Variants in TRPM1 observed in about 807,000 individuals in gnomAD.
The protein encoded by TRPM1 is transient receptor potential cation channel subfamily M member 1, also known as TRPM1-203 APA Isoform, Intron 10.
TRPM1 carries 113 observed loss-of-function variants against 149.4 expected under a neutral mutation model. The observed-to-expected ratio is 0.76, with a 90% CI of 0.65 to 0.88. The LOEUF (loss-of-function observed/expected upper bound fraction) is 0.88. TRPM1 is among the 40% of genes least tolerant of loss of function. TRPM1 has a pLI of 0.00. For synonymous variants in TRPM1, 741 were observed against 759.5 expected (o/e 0.98, Z 0.40); for missense variants, 1,976 against 2,038.7 (o/e 0.97, Z 0.59).
chr15:31,032,401 G>A (rs771055800), intron 22 of TRPM1, among the ~76,000 whole-genome samples: 53 of 151,906 alleles, frequency 3.5e-4, no homozygotes, highest in Admixed American at 2.0e-3. Flanking sequence ...ACATGTGTAC[G>A]TGTGTATGTA....
In TRPM1 at chr15:31,001,635, A is replaced by G; in HGVS notation, c.*187T>C. Reference sequence around the variant, plus strand: ...TTTCATTTGATACTACTGCAACTGAAAAAACTAAGCCTACTAACATATGCT... The same window carrying G: ...TTTCATTTGATACTACTGCAACTGAGAAAACTAAGCCTACTAACATATGCT... On this transcript the variant is annotated 3_prime_UTR_variant, in exon 28 of 28. Coordinates refer to ENST00000256552, the MANE Select transcript of TRPM1 (RefSeq NM_001252024.2). 1.5e-6 allele frequency: 1 copy of G among 646,870 alleles called. No individual in the cohort carries two copies. Among genetic ancestry groups the G allele is most frequent in the Non-Finnish European group, 2.6e-6 (1 of 380,674 alleles). The allele number at this position is 646,870 out of a possible 1,614,324, so 40.1% of individuals were successfully genotyped here.
intron 1 of TRPM1, among the ~76,000 whole-genome samples, chr15:31,153,456 T>C (rs140332474): frequency 6.6e-6 from 1 of 152,232 alleles, no homozygotes; most frequent in African/African-American, 2.4e-5. Context: ...TCTTGAGTAG[T>C]GGGGATTACA....
intron 27 of TRPM1, among the ~76,000 whole-genome samples, chr15:31,005,945 G>A (rs1164882864): frequency 1.3e-5 from 2 of 152,114 alleles, no homozygotes; most frequent in Admixed American, 1.3e-4. Context: ...ACATTGAATG[G>A]CATAAAAACA....
chr15:31,030,902 T>C, intron 23 of TRPM1, 81 bp downstream of exon 23: 2 of 1,520,676 alleles, frequency 1.3e-6, no homozygotes, highest in Non-Finnish European at 1.8e-6. Context: ...TCCAAATTAA[T>C]ACATGTTCTT....
intron 19 of TRPM1, 66 bp downstream of exon 19, chr15:31,037,978 A>C: frequency 6.2e-7 from 1 of 1,612,400 alleles, no homozygotes; most frequent in East Asian, 2.2e-5. Flanking sequence ...TCTGTGGTAC[A>C]AGAAATCTCA....
chr15:31,131,571 T>A (rs560532128), intron 1 of TRPM1, among the ~76,000 whole-genome samples: 2 of 152,320 alleles, frequency 1.3e-5, no homozygotes, highest in South Asian at 4.1e-4. Flanking sequence ...GACAGCGATG[T>A]GTTCTGATTG....
At chr15:31,145,975 T>A (rs1297700171) in intron 1 of TRPM1, among the ~76,000 whole-genome samples, 1 of 151,916 alleles carries the variant, frequency 6.6e-6, no homozygotes, top group Non-Finnish European at 1.5e-5. Context: ...TTAAGAAAGT[T>A]TACGATTTTG....
At chr15:31,050,793 C>A (rs1485553784) in intron 11 of TRPM1, among the ~76,000 whole-genome samples, 1 of 152,192 alleles carries the variant, frequency 6.6e-6, no homozygotes, top group Non-Finnish European at 1.5e-5. Flanking sequence ...CATACTCAGT[C>A]GTCGCAGGCC....
chr15:31,064,594 T>C (rs1179826752), intron 7 of TRPM1, among the ~76,000 whole-genome samples: 2 of 152,200 alleles, frequency 1.3e-5, no homozygotes, highest in South Asian at 4.1e-4. Flanking sequence ...TGGGAATTAG[T>C]TGATCGATAT....
chr15:31,019,703 A>C (rs563119515), intron 27 of TRPM1, among the ~76,000 whole-genome samples: 2 of 151,394 alleles, frequency 1.3e-5, no homozygotes, highest in South Asian at 2.1e-4. Flanking sequence ...TGCCTGGCTA[A>C]TTTTTGTATT....
At chr15:31,027,139 A>G in intron 25 of TRPM1, 22 bp from the exon 26 acceptor site, 1 of 1,607,620 alleles carries the variant, frequency 6.2e-7, no homozygotes, top group African/African-American at 1.3e-5. Flanking sequence ...AGACATTTTT[A>G]CAGTTAGTTA....
chr15:31,065,327 C>T (rs2034341701), intron 7 of TRPM1, among the ~76,000 whole-genome samples: 1 of 152,154 alleles, frequency 6.6e-6, no homozygotes, highest in Non-Finnish European at 1.5e-5. Context: ...TTCCCAATGA[C>T]CATTCGCCAG....
chr15:31,114,483 A>G (rs1440899180), intron 1 of TRPM1, among the ~76,000 whole-genome samples: 1 of 152,238 alleles, frequency 6.6e-6, no homozygotes, highest in South Asian at 2.1e-4. Context: ...AGGAATCCCA[A>G]TGAACTCCAA....
intron 2 of TRPM1, among the ~76,000 whole-genome samples, chr15:31,079,131 C>CA (rs1319156956): frequency 8.5e-5 from 13 of 152,276 alleles, no homozygotes; most frequent in African/African-American, 3.1e-4. Flanking sequence ...GGTATAAAAA[C>CA]AGATATAAAT....
chr15:31,097,223 G>C (rs1474763988), intron 1 of TRPM1, among the ~76,000 whole-genome samples: 2 of 151,148 alleles, frequency 1.3e-5, no homozygotes, highest in Non-Finnish European at 1.5e-5. Flanking sequence ...GCAGGTAGCT[G>C]TCACCCACCC....
intron 1 of TRPM1, among the ~76,000 whole-genome samples, chr15:31,125,097 C>T (rs919588220): frequency 6.6e-6 from 1 of 152,016 alleles, no homozygotes; most frequent in Non-Finnish European, 1.5e-5. Flanking sequence ...ATTGCTTGAA[C>T]CTGGGAGGCG....
At chr15:31,146,860 T>A (rs2036230226) in intron 1 of TRPM1, among the ~76,000 whole-genome samples, 1 of 152,138 alleles carries the variant, frequency 6.6e-6, no homozygotes, top group Admixed American at 6.5e-5. Context: ...TGGTAGCACA[T>A]GCCTGTAATC....
chr15:31,060,494 C>T (rs2034197917), intron 11 of TRPM1, 50 bp downstream of exon 11: 1 of 1,500,288 alleles, frequency 6.7e-7, no homozygotes, highest in African/African-American at 1.4e-5. Context: ...TAATAGGTCA[C>T]TTGTACAAAG....
At chr15:31,041,890 C>T (rs2140929879) in intron 17 of TRPM1, 61 bp downstream of exon 17, 2 of 1,589,604 alleles carry the variant, frequency 1.3e-6, no homozygotes, top group Non-Finnish European at 1.7e-6. Flanking sequence ...CCCCTCCCTG[C>T]AGAGACAAGT....
Sources: gnomAD v4.1 joint callset for allele counts (sites outside exome capture counted in the v4.1 genomes callset) on GRCh38, gnomAD v4.1.1 for gene constraint, MANE v1.5 for transcripts, NCBI Gene and HGNC (gene_info 2026-07-23, HGNC 2026-07-21) for gene names.